The following SNRPD3 variants were observed in gnomAD, a reference collection of about 807,000 sequenced individuals.
SNRPD3 encodes the protein small nuclear ribonucleoprotein Sm D3.
For missense variants in SNRPD3, 73 were observed against 167.5 expected (o/e 0.44, Z 3.11); for synonymous variants, 66 against 58.4 (o/e 1.13, Z -0.59).
intron 2 of SNRPD3, chr22:24,558,008 A>T (rs934430824): frequency 1.4e-5 from 6 of 421,406 alleles, no homozygotes; most frequent in Non-Finnish European, 2.1e-5. Flanking sequence ...AGCCATTTGG[A>T]GGTTTGGAAT....
At chr22:24,560,814 C>T (rs1390921532) in intron 2 of SNRPD3, among the ~76,000 whole-genome samples, 4 of 147,758 alleles carry the variant, frequency 2.7e-5, no homozygotes, top group African/African-American at 5.1e-5. Flanking sequence ...TGCAAACCTC[C>T]GTCTTCCCGG....
At position 24,572,049 on chromosome 22, in the gene SNRPD3, G is replaced by C; in HGVS notation, c.*72G>C. On this transcript the variant is annotated 3_prime_UTR_variant, in exon 4 of 4. Coordinates refer to ENST00000215829, the MANE Select transcript of SNRPD3 (RefSeq NM_004175.5). ...TGAGTTCATTGGAGTGGGTGCTTGTGCATATATGCTAGGTATCTTTTGCCA... is the reference window on the plus strand; with the variant it reads ...TGAGTTCATTGGAGTGGGTGCTTGTCCATATATGCTAGGTATCTTTTGCCA... The C allele has an allele frequency of 6.3e-7, 1 of 1,598,814 alleles. No individual in the cohort carries two copies. The highest frequency in any genetic ancestry group is 8.5e-7 in the Non-Finnish European group (1 of 1,172,180).
At position 24,572,303 on chromosome 22, in the gene SNRPD3, GC is replaced by G; in HGVS notation, c.*330del. The stretch of plus-strand genomic sequence containing the variant: ...CTGTTCCTGGCCAGTTGCAGGTTAA[GC>G]CCCAGAAAAGTTCACCTTGGAGAAG... On this transcript the variant is annotated 3_prime_UTR_variant, in exon 4 of 4. Coordinates refer to ENST00000215829, the MANE Select transcript of SNRPD3 (RefSeq NM_004175.5). 1.7e-6 allele frequency: 1 copy of G among 601,074 alleles called. No individual in the cohort carries two copies. The highest frequency in any genetic ancestry group is 2.9e-6 in the Non-Finnish European group (1 of 340,626). 37.2% of individuals were successfully genotyped at this position (601,074 alleles called of 1,614,324 possible).
chr22:24,564,519 T>A (rs142718228), intron 2 of SNRPD3, among the ~76,000 whole-genome samples: 34 of 152,354 alleles, frequency 2.2e-4, no homozygotes, highest in African/African-American at 7.7e-4. Context: ...CTAGCAGGCA[T>A]GTGTGCAGTG....
chr22:24,563,306 ATT>A (rs139630564), intron 2 of SNRPD3, among the ~76,000 whole-genome samples: 3,066 of 65,160 alleles, frequency 0.047, 105 homozygotes, highest in African/African-American at 0.15. Flanking sequence ...ATATATATAT[ATT>A]TTTTTTTTTA....
chr22:24,555,960 A>G (rs1447129308), upstream of SNRPD3: 16 of 920,652 alleles, frequency 1.7e-5, no homozygotes, highest in Non-Finnish European at 2.3e-5. Context: ...TGCGCGCAGC[A>G]TTTTGGGAAA....
At chr22:24,555,916 C>T, upstream of SNRPD3, 1 of 1,341,514 alleles carries the variant, frequency 7.5e-7, no homozygotes, top group Non-Finnish European at 1.0e-6. Flanking sequence ...GGCGAGACCG[C>T]GCTCAACACT....
intron 1 of SNRPD3, among the ~76,000 whole-genome samples, chr22:24,556,886 T>G (rs2045076964): frequency 6.6e-6 from 1 of 152,260 alleles, no homozygotes; most frequent in Non-Finnish European, 1.5e-5. Flanking sequence ...CTTGATGCTT[T>G]TGATTAGGTC....
chr22:24,573,654 C>T lies in SNRPD3; in HGVS notation c.*1677C>T, dbSNP rs947594866. ...CTTTGGGAGGTCGAGGCGGGAGGAT[C>T]ACTTGAACCTAGGAGTTTGAGACTA... On this transcript the variant is annotated 3_prime_UTR_variant, in exon 4 of 4. Coordinates refer to ENST00000215829, the MANE Select transcript of SNRPD3 (RefSeq NM_004175.5). 1.3e-5 allele frequency among the ~76,000 whole-genome samples: 2 copies of T among 152,180 alleles called. No homozygotes were observed. The highest frequency in any genetic ancestry group is 4.8e-5 in the African/African-American group (2 of 41,434).
intron 2 of SNRPD3, among the ~76,000 whole-genome samples, chr22:24,566,977 T>C (rs1220258699): frequency 6.6e-6 from 1 of 152,198 alleles, no homozygotes; most frequent in Non-Finnish European, 1.5e-5. Flanking sequence ...CCCCGTCCAG[T>C]GTCATTATTC....
chr22:24,559,592 G>A (rs2045113425), intron 2 of SNRPD3, among the ~76,000 whole-genome samples: 1 of 152,132 alleles, frequency 6.6e-6, no homozygotes, highest in Admixed American at 6.6e-5. Flanking sequence ...CACAGACCTT[G>A]GTGTCCGACA....
chr22:24,570,239 G>A lies in SNRPD3; in HGVS notation c.320-1677G>A, dbSNP rs561775316. ...AGGGTCCTGCCTTGGGCAGGTGAAA[G>A]GAGGGCAGGAGAAGTTTCAAGAGAG... On this transcript the variant is annotated intron_variant, in intron 3 of 3. Coordinates refer to ENST00000215829, the MANE Select transcript of SNRPD3 (RefSeq NM_004175.5). Among the ~76,000 whole-genome samples the A allele has an allele frequency of 3.2e-4, 48 of 152,360 alleles. 3 individuals carry two copies. The South Asian group carries it at 9.5e-3, about 30-fold the overall frequency.
intron 2 of SNRPD3, among the ~76,000 whole-genome samples, chr22:24,564,882 T>C (rs1296995009): frequency 2.7e-5 from 4 of 146,728 alleles, no homozygotes; most frequent in Non-Finnish European, 6.0e-5. Context: ...TTTGCCTTGT[T>C]CATTTTTTTT....
chr22:24,555,675 C>T (rs1408037296), upstream of SNRPD3: 8 of 1,550,578 alleles, frequency 5.2e-6, no homozygotes, highest in South Asian at 2.4e-5. Context: ...TTGGCCCAAC[C>T]TCCTGCTGTC....
At chr22:24,558,782 G>A (rs765251283) in intron 2 of SNRPD3, among the ~76,000 whole-genome samples, 12 of 152,174 alleles carry the variant, frequency 7.9e-5, no homozygotes, top group Admixed American at 1.3e-4. Context: ...GCGATTGCTC[G>A]TTAGAAGAGT....
At chr22:24,564,993 C>T (rs947091802) in intron 2 of SNRPD3, among the ~76,000 whole-genome samples, 2 of 151,246 alleles carry the variant, frequency 1.3e-5, no homozygotes, top group Non-Finnish European at 2.9e-5. Flanking sequence ...CAGCCATCCT[C>T]CCACCTCAGC....
intron 2 of SNRPD3, among the ~76,000 whole-genome samples, chr22:24,559,950 T>C (rs1294409320): frequency 6.6e-6 from 1 of 152,110 alleles, no homozygotes; most frequent in African/African-American, 2.4e-5. Context: ...TCCTTGCTTA[T>C]ATATGGCTCT....
chr22:24,563,419 G>C (rs1162248409), intron 2 of SNRPD3, among the ~76,000 whole-genome samples: 1 of 151,956 alleles, frequency 6.6e-6, no homozygotes, highest in Non-Finnish European at 1.5e-5. Flanking sequence ...AGCTGGGAAG[G>C]CAGGGAGCTT....
chr22:24,569,281 T>G (rs2045226905), intron 3 of SNRPD3, among the ~76,000 whole-genome samples: 1 of 152,208 alleles, frequency 6.6e-6, no homozygotes, highest in Admixed American at 6.5e-5. Flanking sequence ...GCTTCTTGGT[T>G]AGCCTAATTT....
Sources: gnomAD v4.1 joint callset for allele counts (sites outside exome capture counted in the v4.1 genomes callset) on GRCh38, gnomAD v4.1.1 for gene constraint, MANE v1.5 for transcripts, NCBI Gene and HGNC (gene_info 2026-07-23, HGNC 2026-07-21) for gene names.